INPP4B: variants seen among roughly 807,000 people sequenced by gnomAD.
INPP4B encodes the protein inositol polyphosphate-4-phosphatase type II B.
INPP4B carries 55 observed loss-of-function variants against 122.5 expected under a neutral mutation model. The observed-to-expected ratio is 0.45, with a 90% CI of 0.36 to 0.56. The LOEUF is 0.56. INPP4B is among the 20% of genes least tolerant of loss of function. The probability of loss-of-function intolerance (pLI) is 0.00; values close to 1 mark genes in which losing one functional copy is unlikely to be tolerated. For missense variants in INPP4B, 1,000 were observed against 1,097.7 expected (o/e 0.91, Z 1.26); for synonymous variants, 403 against 388.7 (o/e 1.04, Z -0.43).
chr4:142,424,154 C>T (rs1807539028), intron 5 of INPP4B, among the ~76,000 whole-genome samples: 2 of 151,820 alleles, frequency 1.3e-5, no homozygotes, highest in Admixed American at 6.6e-5. Context: ...GTCAGTCTTC[C>T]TTAGTTAGCC....
intron 7 of INPP4B, among the ~76,000 whole-genome samples, chr4:142,339,329 C>A (rs1005779287): frequency 2.6e-5 from 4 of 152,142 alleles, no homozygotes; most frequent in South Asian, 4.1e-4. Flanking sequence ...AAAGGAGAAG[C>A]AAAACAAAGC....
chr4:142,084,493 G>A (rs1775760684), intron 24 of INPP4B, among the ~76,000 whole-genome samples: 1 of 151,998 alleles, frequency 6.6e-6, no homozygotes, highest in Admixed American at 6.6e-5. Context: ...TAAAAGAAAG[G>A]AAAATAAAAT....
intron 1 of INPP4B, among the ~76,000 whole-genome samples, chr4:142,744,654 G>C (rs1768419010): frequency 6.6e-6 from 1 of 151,602 alleles, no homozygotes; most frequent in African/African-American, 2.4e-5. Context: ...AAATTTATTT[G>C]AGAATTTTAT....
At chr4:142,600,561 T>C (rs778174556) in intron 2 of INPP4B, among the ~76,000 whole-genome samples, 1 of 151,396 alleles carries the variant, frequency 6.6e-6, no homozygotes, top group Non-Finnish European at 1.5e-5. Context: ...TACAAATAAG[T>C]AATAAAAAAG....
intron 1 of INPP4B, among the ~76,000 whole-genome samples, chr4:142,726,381 A>C (rs1765349484): frequency 6.6e-6 from 1 of 152,228 alleles, no homozygotes; most frequent in Admixed American, 6.5e-5. Context: ...AAAGTAATAA[A>C]ATGAGATACT....
At chr4:142,662,840 T>C (rs1755436470) in intron 2 of INPP4B, among the ~76,000 whole-genome samples, 1 of 152,194 alleles carries the variant, frequency 6.6e-6, no homozygotes, top group South Asian at 2.1e-4. Flanking sequence ...AAAGAAAATT[T>C]GACATATTGG....
At chr4:142,623,212 T>G (rs1580531080) in intron 2 of INPP4B, among the ~76,000 whole-genome samples, 2 of 152,092 alleles carry the variant, frequency 1.3e-5, no homozygotes, top group African/African-American at 4.8e-5. Context: ...ACTCCTATTG[T>G]ACCTGCTTCA....
chr4:142,818,122 T>C (rs1190701747), intron 1 of INPP4B, among the ~76,000 whole-genome samples: 1 of 152,174 alleles, frequency 6.6e-6, no homozygotes, highest in Non-Finnish European at 1.5e-5. Context: ...AATGCAAAGA[T>C]GATAAGAAAC....
At position 142,661,090 on chromosome 4, in the gene INPP4B, C is replaced by T. The variant is rs1001277510; in HGVS notation, c.-191+64749G>A. The stretch of plus-strand genomic sequence containing the variant: ...TGAAGCAGGGAGGAGCCTGCCTCGT[C>T]GTCTTCCTGTGTGGACCTGGGATTC... On this transcript the variant is annotated intron_variant, in intron 2 of 25. Coordinates refer to ENST00000262992, the MANE Select transcript of INPP4B (RefSeq NM_001101669.3). 3 of 152,172 alleles carry T rather than the reference C, an allele frequency of 2.0e-5. No individual in the cohort carries two copies. The East Asian group carries it at 5.8e-4, about 29-fold the overall frequency. 9.4% of individuals were successfully genotyped at this position (152,172 alleles called of 1,614,324 possible).
At chr4:142,502,861 A>G (rs1330015600) in intron 2 of INPP4B, among the ~76,000 whole-genome samples, 2 of 152,092 alleles carry the variant, frequency 1.3e-5, no homozygotes, top group Non-Finnish European at 2.9e-5. Context: ...TCCTTGCTCC[A>G]TGCCTTGCAA....
In INPP4B at chr4:142,170,354, T is replaced by C. The variant is rs1011664158; in HGVS notation, c.1359+3278A>G. 5.9e-5 allele frequency among the ~76,000 whole-genome samples: 9 copies of C among 151,706 alleles called. No homozygotes were observed. In the Admixed American group the frequency reaches 5.9e-4, roughly 10 times the overall value. On this transcript the variant is annotated intron_variant, in intron 16 of 25. Transcript: ENST00000262992. ...AATTGAGTTTGTGCATATTAGAACA[T>C]GAAACATTAAAAATATTGATTTTTG...
intron 7 of INPP4B, among the ~76,000 whole-genome samples, chr4:142,373,101 A>G (rs1425449684): frequency 6.6e-6 from 1 of 152,058 alleles, no homozygotes; most frequent in Admixed American, 6.6e-5. Flanking sequence ...GGCTCTAACA[A>G]TGACTATTTT....
At chr4:142,029,975 T>G (rs1738767158) in intron 25 of INPP4B, 1 of 1,381,270 alleles carries the variant, frequency 7.2e-7, no homozygotes, top group South Asian at 1.8e-5. Context: ...CATAGTACTT[T>G]TTGTTTTTTA....
intron 2 of INPP4B, among the ~76,000 whole-genome samples, chr4:142,606,604 G>A (rs1483325691): frequency 6.6e-6 from 1 of 151,854 alleles, no homozygotes; most frequent in Non-Finnish European, 1.5e-5. Flanking sequence ...AAACACAGCT[G>A]TTCAAATACA....
chr4:142,665,545 C>G (rs1322862349), intron 2 of INPP4B, among the ~76,000 whole-genome samples: 1 of 150,444 alleles, frequency 6.6e-6, no homozygotes, highest in African/African-American at 2.4e-5. Context: ...GAAACTTATT[C>G]CAAAGAAATA....
intron 2 of INPP4B, among the ~76,000 whole-genome samples, chr4:142,718,099 T>C (rs1303391583): frequency 4.0e-5 from 6 of 151,850 alleles, no homozygotes; most frequent in Admixed American, 2.0e-4. Context: ...CAAGGCAACA[T>C]CTGGGTGAGG....
At chr4:142,534,872 T>C (rs993783320) in intron 2 of INPP4B, among the ~76,000 whole-genome samples, 1 of 151,996 alleles carries the variant, frequency 6.6e-6, no homozygotes, top group Admixed American at 6.6e-5. Context: ...TCTATAATTA[T>C]CTAAGAGTAA....
At chr4:142,533,320 T>A (rs567989897) in intron 2 of INPP4B, among the ~76,000 whole-genome samples, 39 of 152,242 alleles carry the variant, frequency 2.6e-4, no homozygotes, top group South Asian at 2.5e-3. Context: ...AAAAGGTACT[T>A]CCTTTTAGGA....
At chr4:142,208,660 C>T in intron 13 of INPP4B, 131 bp from the exon 14 acceptor site, 3 of 540,260 alleles carry the variant, frequency 5.6e-6, no homozygotes, top group East Asian at 6.5e-5. Flanking sequence ...TTATGAGTTG[C>T]TTTTCTTTTA....
Sources: allele counts gnomAD v4.1 joint callset (sites outside exome capture counted in the v4.1 genomes callset), GRCh38; gene constraint gnomAD v4.1.1; transcripts MANE v1.5; gene names NCBI Gene and HGNC (gene_info 2026-07-23, HGNC 2026-07-21).